PFKFB3: variants seen among roughly 807,000 people sequenced by gnomAD.
The protein encoded by PFKFB3 is 6-phosphofructo-2-kinase/fructose-2,6-biphosphatase 3, also known as 6-phosphofructo-2-kinase/fructose-2,6-bisphosphatase 3.
A neutral mutation model predicts 68.0 loss-of-function variants in PFKFB3; 33 were observed. The ratio of observed to expected loss-of-function variants is 0.49; its 90% confidence interval spans 0.37 to 0.65. The LOEUF (loss-of-function observed/expected upper bound fraction) is 0.65, where lower values mean the gene tolerates loss of function less well. PFKFB3 is among the 30% of genes least tolerant of loss of function. PFKFB3 has a pLI of 0.00. For missense variants in PFKFB3, 586 were observed against 712.2 expected (o/e 0.82, Z 2.02); for synonymous variants, 315 against 288.2 (o/e 1.09, Z -0.94).
intron 1 of PFKFB3, among the ~76,000 whole-genome samples, chr10:6,168,608 CTTA>C (rs955574941): frequency 8.5e-5 from 13 of 152,296 alleles, no homozygotes; most frequent in Admixed American, 3.9e-4. Context: ...CTAAGTGGGC[CTTA>C]TTATTCCTGT....
At chr10:6,185,868 G>A (rs1409774452) in intron 1 of PFKFB3, among the ~76,000 whole-genome samples, 1 of 152,134 alleles carries the variant, frequency 6.6e-6, no homozygotes, top group Non-Finnish European at 1.5e-5. Context: ...TTGAACTCCT[G>A]ACCTCAGGTG....
rs143434677 is a variant in PFKFB3 at position 6,171,742 on chromosome 10, G to A, written c.16+26729G>A. Reference sequence around the variant, plus strand: ...TTTCTATCATGTACATAATGTGTTCGTGCAATAGCACATGTATATTAGATA... The same window carrying A: ...TTTCTATCATGTACATAATGTGTTCATGCAATAGCACATGTATATTAGATA... On this transcript the variant is annotated intron_variant, in intron 1 of 14. Transcript: ENST00000379789. 2.8e-3 allele frequency among the ~76,000 whole-genome samples: 420 copies of A among 152,318 alleles called. 1 individual carries two copies. The highest frequency in any genetic ancestry group is 9.7e-3 in the African/African-American group (404 of 41,562).
chr10:6,265,286 G>T, the PFKFB3 span, among the ~76,000 whole-genome samples: 3 of 151,724 alleles, frequency 2.0e-5, no homozygotes, highest in Non-Finnish European at 4.4e-5. Flanking sequence ...TCACCATGTT[G>T]GCCAGGCTGG....
rs11812743 is a variant in PFKFB3 at position 6,216,826 on chromosome 10, A to G, written c.441+46A>G. ...TGTGCTAGAGGGCTCGGGAGAGAGG[A>G]AAAGGCTTCAGGAAGCGGCCTGAGT... On this transcript the variant is annotated intron_variant, in intron 5 of 14. Coordinates refer to ENST00000379775, the MANE Select transcript of PFKFB3 (RefSeq NM_004566.4). 19 of 1,428,686 alleles carry G rather than the reference A, an allele frequency of 1.3e-5. 1 individual carries two copies. In the East Asian group the frequency reaches 3.4e-4, roughly 26 times the overall value. 88.5% of individuals were successfully genotyped at this position (1,428,686 alleles called of 1,614,324 possible). A position where few individuals can be genotyped will look rare whatever the true frequency, so the allele number is the denominator to read the frequency against.
exon 1 of PFKFB3, chr10:6,144,990 C>A: frequency 1.5e-6 from 2 of 1,320,266 alleles, no homozygotes; most frequent in Admixed American, 3.7e-5. Context: ...GGGAGCGCCC[C>A]CGGCGCGATG....
chr10:6,225,230 C>T (rs746879870), intron 13 of PFKFB3: 12 of 456,108 alleles, frequency 2.6e-5, no homozygotes, highest in Admixed American at 7.0e-5. Flanking sequence ...GACTTTCTGT[C>T]ATGGCGTTCC....
At chr10:6,183,210 C>G (rs1417134462) in intron 1 of PFKFB3, among the ~76,000 whole-genome samples, 1 of 152,204 alleles carries the variant, frequency 6.6e-6, no homozygotes, top group African/African-American at 2.4e-5. Flanking sequence ...AGCACAAAGA[C>G]TTTGAACAGC....
chr10:6,163,125 T>C (rs75636430), intron 1 of PFKFB3, among the ~76,000 whole-genome samples: 1,650 of 152,310 alleles, frequency 0.011, 68 homozygotes, highest in East Asian at 0.1. Flanking sequence ...GCTGTACTCA[T>C]TAGCAACATA....
chr10:6,189,048 C>G (rs977838343), intron 1 of PFKFB3, among the ~76,000 whole-genome samples: 6 of 152,040 alleles, frequency 3.9e-5, no homozygotes, highest in Non-Finnish European at 8.8e-5. Flanking sequence ...ACTGTGTTAG[C>G]CAGGATGGTC....
chr10:6,288,527 A>G, the PFKFB3 span, among the ~76,000 whole-genome samples: 3 of 151,966 alleles, frequency 2.0e-5, no homozygotes, highest in African/African-American at 7.3e-5. Flanking sequence ...TACAAAGGAC[A>G]TGGACTCATC....
At chr10:6,184,982 C>T (rs985846668) in intron 1 of PFKFB3, among the ~76,000 whole-genome samples, 9 of 152,132 alleles carry the variant, frequency 5.9e-5, no homozygotes, top group African/African-American at 1.2e-4. Context: ...CCATCAGCTT[C>T]GCACGTTCAC....
chr10:6,151,225 G>A (rs776527467), intron 1 of PFKFB3, among the ~76,000 whole-genome samples: 5 of 152,316 alleles, frequency 3.3e-5, no homozygotes, highest in African/African-American at 7.2e-5. Flanking sequence ...GCTAGGGGGC[G>A]TGGCCCCAGG....
At chr10:6,285,716 TC>T in the PFKFB3 span, among the ~76,000 whole-genome samples, 1 of 152,142 alleles carries the variant, frequency 6.6e-6, no homozygotes, top group Non-Finnish European at 1.5e-5. Flanking sequence ...ACTCCCTATT[TC>T]CCCTTCCTCC....
chr10:6,214,190 G>A (rs538022360), intron 2 of PFKFB3, among the ~76,000 whole-genome samples: 22 of 152,326 alleles, frequency 1.4e-4, no homozygotes, highest in African/African-American at 5.1e-4. Flanking sequence ...CAGTGAGTGC[G>A]CATTCCTGCC....
At chr10:6,213,579 C>A (rs760432799) in intron 1 of PFKFB3, 44 bp from the exon 2 acceptor site, 2 of 1,585,766 alleles carry the variant, frequency 1.3e-6, no homozygotes, top group Non-Finnish European at 1.7e-6. Flanking sequence ...TCCTCTTCTC[C>A]GGTCACTTGG....
intron 6 of PFKFB3, 65 bp downstream of exon 6, chr10:6,217,256 G>A: frequency 7.1e-7 from 1 of 1,401,522 alleles, no homozygotes; most frequent in Non-Finnish European, 1.0e-6. Flanking sequence ...TGCAGTCTGA[G>A]GAAGTGGGGG....
chr10:6,255,869 TATC>T (rs1184262767), downstream of PFKFB3, among the ~76,000 whole-genome samples: 3 of 152,180 alleles, frequency 2.0e-5, no homozygotes, highest in South Asian at 2.1e-4. Flanking sequence ...AGCAGCATTC[TATC>T]ATCATTATCC....
chr10:6,215,239 A>G lies in PFKFB3; in HGVS notation c.221A>G (p.Tyr74Cys). The change falls in exon 3 of 15, where the codon TAT (tyrosine) becomes TGT (cysteine). Residue 74 changes from tyrosine (Y) to cysteine (C), a missense_variant. Physicochemically the swap from Tyr to Cys is radical, Grantham distance 194 (BLOSUM62 -2). Coordinates refer to ENST00000379775, the MANE Select transcript of PFKFB3 (RefSeq NM_004566.4). This position sits in a 1 kb window ranked among gnomAD's most constrained non-coding sequence, Gnocchi z 4.3. ...TCCACAGTGTTCAACGTCGGGGAGT[A>G]TCGCCGGGAGGCTGTGAAGCAGTAC... The part of the protein sequence containing the change: ...VPTKVFNVGE[Y>C]RREAVKQYSS... 1.2e-6 allele frequency: 2 copies of G among 1,614,002 alleles called. No individual in the cohort carries two copies. The highest frequency in any genetic ancestry group is 1.7e-6 in the Non-Finnish European group (2 of 1,179,960).
intron 14 of PFKFB3, among the ~76,000 whole-genome samples, chr10:6,232,497 G>A (rs1845808171): frequency 6.6e-6 from 1 of 152,146 alleles, no homozygotes; most frequent in Non-Finnish European, 1.5e-5. Flanking sequence ...CGAGAGGAGG[G>A]GCCCTGTGTG....
Sources: allele counts gnomAD v4.1 joint callset (sites outside exome capture counted in the v4.1 genomes callset), GRCh38; gene constraint gnomAD v4.1.1; non-coding constraint Gnocchi (gnomAD v3.1); transcripts MANE v1.5; gene names NCBI Gene and HGNC (gene_info 2026-07-23, HGNC 2026-07-21).